The following ZBBX variants were observed in gnomAD, a reference collection of about 807,000 sequenced individuals.
ZBBX encodes the protein zinc finger B-box domain-containing protein 1.
In ZBBX, 101 loss-of-function variants were observed where a neutral mutation model predicts 108.5. The ratio of observed to expected loss-of-function variants is 0.93; its 90% CI spans 0.79 to 1.10. The LOEUF is 1.10. Among genes scored for constraint, ZBBX ranks in the 50% least tolerant of loss-of-function variants. The pLI is 0.00. For synonymous variants in ZBBX, 356 were observed against 323.4 expected, an observed-to-expected ratio of 1.10 and a Z score of -1.08; for missense variants, 1,009 against 941.4, an observed-to-expected ratio of 1.07 and a Z score of -0.94.
chr3:167,273,537 G>C (rs1471382743), intron 20 of ZBBX, among the ~76,000 whole-genome samples: 1 of 152,098 alleles, frequency 6.6e-6, no homozygotes, highest in Non-Finnish European at 1.5e-5. Flanking sequence ...TCATGACAGG[G>C]GGAGAACTTA....
At chr3:167,294,348 T>C (rs1731255855) in intron 18 of ZBBX, among the ~76,000 whole-genome samples, 1 of 152,062 alleles carries the variant, frequency 6.6e-6, no homozygotes, top group Non-Finnish European at 1.5e-5. Context: ...CCAAAACAGA[T>C]ATATAGACCA....
intron 18 of ZBBX, among the ~76,000 whole-genome samples, chr3:167,297,833 T>G (rs1731935055): frequency 1.3e-5 from 2 of 152,008 alleles, no homozygotes; most frequent in East Asian, 3.9e-4. Flanking sequence ...GCTACAATAT[T>G]GTACCACCTC....
intron 16 of ZBBX, among the ~76,000 whole-genome samples, chr3:167,312,543 G>A (rs972272147): frequency 2.0e-5 from 3 of 152,066 alleles, no homozygotes; most frequent in Admixed American, 6.6e-5. Context: ...AGAGCAAAGG[G>A]TATATAGGAA....
chr3:167,292,201 G>T (rs1423990453), intron 18 of ZBBX, among the ~76,000 whole-genome samples: 1 of 152,002 alleles, frequency 6.6e-6, no homozygotes, highest in Non-Finnish European at 1.5e-5. Context: ...TGGACCAAGT[G>T]GACTTAATAG....
chr3:167,373,926 AG>A (rs1216703413), intron 2 of ZBBX, 139 bp from the exon 3 acceptor site: 1 of 152,200 alleles, frequency 6.6e-6, no homozygotes, highest in Non-Finnish European at 1.5e-5. Flanking sequence ...ATGATGTTCA[AG>A]GGTAAACTGT....
chr3:167,276,745 G>C (rs1173292138), intron 20 of ZBBX, among the ~76,000 whole-genome samples: 1 of 152,018 alleles, frequency 6.6e-6, no homozygotes, highest in Non-Finnish European at 1.5e-5. Flanking sequence ...TATAGAGAAC[G>C]CCACAAAGAT....
intron 19 of ZBBX, among the ~76,000 whole-genome samples, chr3:167,288,494 T>C (rs1357721871): frequency 6.6e-6 from 1 of 152,204 alleles, no homozygotes; most frequent in African/African-American, 2.4e-5. Flanking sequence ...CTGATCATAA[T>C]ATATATCAAG....
Position 167,314,101 on chromosome 3 carries a change from A to G in ZBBX, c.1290T>C (p.Asp430=). ...CATATGGAAAGCTATTCTTCTGACA[A>G]TCATGAAAAGCACAACTTTCACATG... ...ADSQRSCAFH[D]CQKNSFPYEN... The change falls in exon 16 of 22, where the codon GAT becomes GAC. Residue 430 remains aspartate (D), a synonymous_variant. Transcript: ENST00000675490. 2 of 1,589,802 alleles carry G rather than the reference A, an allele frequency of 1.3e-6. No homozygotes were observed. Among genetic ancestry groups the G allele is most frequent in the African/African-American group, 1.4e-5 (1 of 73,958 alleles).
intron 16 of ZBBX, among the ~76,000 whole-genome samples, chr3:167,309,745 G>C (rs1734267052): frequency 6.6e-6 from 1 of 152,200 alleles, no homozygotes; most frequent in Non-Finnish European, 1.5e-5. Flanking sequence ...GTAATGGGAG[G>C]GGATGCTGTG....
intron 8 of ZBBX, 43 bp downstream of exon 8, chr3:167,359,827 C>A (rs1440640374): frequency 1.0e-6 from 1 of 967,052 alleles, no homozygotes; most frequent in Non-Finnish European, 1.4e-6. Context: ...GCTTAATATA[C>A]CTACTATACA....
chr3:167,298,525 T>C, intron 17 of ZBBX, 67 bp from the exon 18 acceptor site: 1 of 1,214,924 alleles, frequency 8.2e-7, no homozygotes, highest in Non-Finnish European at 1.1e-6. Flanking sequence ...TATTCATTTA[T>C]CAGATACCTA....
the ZBBX span, among the ~76,000 whole-genome samples, chr3:167,220,670 T>C: frequency 3.3e-5 from 5 of 151,840 alleles, no homozygotes; most frequent in Non-Finnish European, 5.9e-5. Context: ...ATCTGGAACA[T>C]AACAAAAATG....
chr3:167,384,712 A>G (rs1194644201), upstream of ZBBX, among the ~76,000 whole-genome samples: 5 of 152,028 alleles, frequency 3.3e-5, no homozygotes, highest in Admixed American at 1.3e-4. Context: ...ATAGACCAAT[A>G]TAAAACCCAT....
the ZBBX span, among the ~76,000 whole-genome samples, chr3:167,202,032 C>G: frequency 6.6e-6 from 1 of 152,056 alleles, no homozygotes; most frequent in Non-Finnish European, 1.5e-5. Context: ...TGTTCCTGCT[C>G]TGTTTCATTT....
intron 8 of ZBBX, among the ~76,000 whole-genome samples, chr3:167,354,456 A>G (rs1046185811): frequency 2.0e-5 from 3 of 151,912 alleles, no homozygotes; most frequent in Non-Finnish European, 4.4e-5. Flanking sequence ...TTCAAGTGTG[A>G]TTAGCTAAAA....
At chr3:167,334,128 T>G (rs1250732841) in intron 9 of ZBBX, 143 bp from the exon 10 acceptor site, 3 of 630,986 alleles carry the variant, frequency 4.8e-6, no homozygotes, top group Non-Finnish European at 7.4e-6. Flanking sequence ...AATTGGCATT[T>G]GTATCAACAA....
intron 20 of ZBBX, among the ~76,000 whole-genome samples, chr3:167,281,183 G>C (rs1728752019): frequency 6.6e-6 from 1 of 152,196 alleles, no homozygotes; most frequent in South Asian, 2.1e-4. Context: ...CAGCGCGCCA[G>C]CATGGCACAT....
intron 20 of ZBBX, among the ~76,000 whole-genome samples, chr3:167,268,326 C>T (rs774468637): frequency 2.6e-5 from 4 of 151,712 alleles, no homozygotes; most frequent in Non-Finnish European, 4.4e-5. Flanking sequence ...ATTCTCTTCT[C>T]GGGGGAAGAA....
At chr3:167,290,064 C>T (rs1048417493) in intron 18 of ZBBX, among the ~76,000 whole-genome samples, 3 of 152,148 alleles carry the variant, frequency 2.0e-5, no homozygotes, top group African/African-American at 7.2e-5. Context: ...AAGGCAGAAG[C>T]CCCAGCCACA....
Sources: gnomAD v4.1 joint callset for allele counts (sites outside exome capture counted in the v4.1 genomes callset) on GRCh38, gnomAD v4.1.1 for gene constraint, MANE v1.5 for transcripts, NCBI Gene and HGNC (gene_info 2026-07-23, HGNC 2026-07-21) for gene names.